The following PBLD variants were observed in gnomAD, a reference collection of about 807,000 sequenced individuals.
The protein encoded by PBLD is phenazine biosynthesis like protein domain containing, also known as phenazine biosynthesis-like domain-containing protein.
Under a neutral mutation model 31.3 loss-of-function variants are expected in PBLD, and 26 were observed. The ratio of observed to expected loss-of-function variants is 0.83; its 90% CI spans 0.61 to 1.15. PBLD has a LOEUF of 1.15. Among genes scored for constraint, PBLD ranks in the 50% most tolerant of loss-of-function variants. The pLI, the probability that PBLD is intolerant of heterozygous loss-of-function variation, is 0.00. For synonymous variants in PBLD, 114 were observed against 129.0 expected (o/e 0.88, Z 0.79); for missense variants, 307 against 351.7 (o/e 0.87, Z 1.02).
At chr10:68,323,076 A>G (rs561964542) in intron 1 of PBLD, among the ~76,000 whole-genome samples, 1 of 152,146 alleles carries the variant, frequency 6.6e-6, no homozygotes, top group African/African-American at 2.4e-5. Context: ...TGAGTGAGCC[A>G]TATATAGGAA....
chr10:68,302,654 G>C (rs551118425), intron 2 of PBLD, among the ~76,000 whole-genome samples: 1 of 152,090 alleles, frequency 6.6e-6, no homozygotes, highest in African/African-American at 2.4e-5. Flanking sequence ...ACCAGCCTGG[G>C]CAACATAGCA....
intron 8 of PBLD, among the ~76,000 whole-genome samples, chr10:68,285,853 G>C (rs1474445181): frequency 6.6e-6 from 1 of 151,638 alleles, no homozygotes; most frequent in Admixed American, 6.6e-5. Flanking sequence ...GCTAATTTTT[G>C]TATTTTTTGT....
intron 1 of PBLD, among the ~76,000 whole-genome samples, chr10:68,310,622 C>A (rs886318018): frequency 6.7e-6 from 1 of 149,774 alleles, no homozygotes; most frequent in African/African-American, 2.5e-5. Context: ...CCACCCCCAC[C>A]TCTGACAACC....
At chr10:68,287,099 A>G (rs2044298218) in intron 8 of PBLD, 1 of 96,748 alleles carries the variant, frequency 1.0e-5, no homozygotes, top group South Asian at 5.0e-4. Flanking sequence ...ATTGCACTCC[A>G]GCCTGGGCAA....
intron 2 of PBLD, among the ~76,000 whole-genome samples, chr10:68,306,261 C>T (rs1004902268): frequency 1.5e-4 from 23 of 152,046 alleles, no homozygotes; most frequent in Admixed American, 1.4e-3. Context: ...TATTTATATA[C>T]TATAGCTTAA....
chr10:68,319,102 AGAAAG>A (rs2044789699), intron 1 of PBLD, among the ~76,000 whole-genome samples: 1 of 135,720 alleles, frequency 7.4e-6, no homozygotes. Flanking sequence ...AAAGAAAGAA[AGAAAG>A]AAAGGAAAAA....
At chr10:68,306,721 C>A in intron 2 of PBLD, 40 bp downstream of exon 2, 1 of 1,534,478 alleles carries the variant, frequency 6.5e-7, no homozygotes, top group Non-Finnish European at 9.0e-7. Context: ...CTACAGGAAT[C>A]TAGAATTTCA....
chr10:68,303,614 G>A (rs868826735), intron 2 of PBLD, among the ~76,000 whole-genome samples: 7 of 82,964 alleles, frequency 8.4e-5, no homozygotes, highest in Admixed American at 7.8e-4. Flanking sequence ...ATTTAAAAAT[G>A]GACTTGTCTT....
chr10:68,294,640 C>CT (rs1230253536), intron 4 of PBLD, among the ~76,000 whole-genome samples: 2 of 152,272 alleles, frequency 1.3e-5, no homozygotes, highest in Non-Finnish European at 2.9e-5. Flanking sequence ...AAATGTCCAG[C>CT]TTTAGAGCTC....
chr10:68,312,574 T>G (rs2044683311), intron 1 of PBLD, among the ~76,000 whole-genome samples: 1 of 151,406 alleles, frequency 6.6e-6, no homozygotes, highest in African/African-American at 2.4e-5. Context: ...TTGTTATTGA[T>G]TTTCTTTCTT....
chr10:68,317,402 T>A (rs2044749652), intron 1 of PBLD, among the ~76,000 whole-genome samples: 1 of 151,996 alleles, frequency 6.6e-6, no homozygotes, highest in Non-Finnish European at 1.5e-5. Flanking sequence ...AAATGGCCAA[T>A]AAGCACATGA....
intron 1 of PBLD, among the ~76,000 whole-genome samples, chr10:68,307,894 G>A (rs1001282592): frequency 6.6e-6 from 1 of 152,116 alleles, no homozygotes; most frequent in Non-Finnish European, 1.5e-5. Flanking sequence ...TTTTTTAAAA[G>A]AACGCATTTT....
In PBLD at chr10:68,283,970, C is replaced by T; in HGVS notation, c.*207G>A. 4.7e-6 allele frequency: 2 copies of T among 428,676 alleles called. No homozygotes were observed. Among genetic ancestry groups the T allele is most frequent in the South Asian group, 5.8e-5 (2 of 34,622 alleles). 26.6% of individuals were successfully genotyped at this position (428,676 alleles called of 1,614,324 possible). A position where few individuals can be genotyped will look rare whatever the true frequency, so the allele number is the denominator to read the frequency against. Reference sequence around the variant, plus strand: ...CCATGTTGGCCAGGCTGGTGTCGAACCCCTGACCTCAGGTGATCCACCCAC... The same window carrying T: ...CCATGTTGGCCAGGCTGGTGTCGAATCCCTGACCTCAGGTGATCCACCCAC... On this transcript the variant is annotated 3_prime_UTR_variant, in exon 10 of 10. Coordinates refer to ENST00000358769, the MANE Select transcript of PBLD (RefSeq NM_022129.4).
chr10:68,314,752 C>G (rs552666325), intron 1 of PBLD, among the ~76,000 whole-genome samples: 52 of 152,138 alleles, frequency 3.4e-4, no homozygotes, highest in South Asian at 1.5e-3. Flanking sequence ...AGCACAACAC[C>G]ACACCAGGCT....
rs201264146 is a variant in PBLD, at chr10:68,306,810, G to A, written c.35C>T (p.Thr12Ile). Residue 12 changes from threonine (T) to isoleucine (I), a missense_variant, in exon 2 of 10, where the codon ACA becomes ATA. By Grantham distance (89) the Thr-to-Ile change is moderately conservative (BLOSUM62 -1). Coordinates refer to ENST00000358769, the MANE Select transcript of PBLD (RefSeq NM_022129.4). The stretch of plus-strand genomic sequence containing the variant: ...AGGATTCCCACGAAATGCTCTTGCT[G>A]TGAATGCATCTGCTATGAAAATAGG... ...KLPIFIADAF[T>I]ARAFRGNPAA... is the part of the protein sequence containing the mutation. 28 of 1,612,108 alleles carry A rather than the reference G, an allele frequency of 1.7e-5. No homozygotes were observed. Among genetic ancestry groups the A allele is most frequent in the Admixed American group, 5.0e-5 (3 of 59,914 alleles).
chr10:68,316,005 G>A (rs2044732105), intron 1 of PBLD, among the ~76,000 whole-genome samples: 1 of 152,112 alleles, frequency 6.6e-6, no homozygotes, highest in African/African-American at 2.4e-5. Flanking sequence ...AATGGTGAAG[G>A]GGAGAATCTG....
chr10:68,288,677 G>C lies in PBLD; in HGVS notation c.513-16C>G. The stretch of plus-strand genomic sequence containing the variant: ...CAGAAACGACCTTGTTCATAAACAA[G>C]ATGGATTAGGACAAACCCATTTCAC... On this transcript the variant is annotated splice_polypyrimidine_tract_variant and intron_variant, in intron 7 of 9. Transcript: ENST00000358769. The C allele has an allele frequency of 6.2e-7, 1 of 1,612,074 alleles. No homozygotes were observed. The highest frequency in any genetic ancestry group is 1.1e-5 in the South Asian group (1 of 90,646).
chr10:68,284,043 G>A lies in PBLD; in HGVS notation c.*134C>T. The A allele has an allele frequency of 1.3e-6, 1 of 768,768 alleles. No individual in the cohort carries two copies. The highest frequency in any genetic ancestry group is 1.8e-5 in the African/African-American group (1 of 56,908). The allele number at this position is 768,768 out of a possible 1,614,324, so 47.6% of individuals were successfully genotyped here. On this transcript the variant is annotated 3_prime_UTR_variant, in exon 10 of 10. Coordinates refer to ENST00000358769, the MANE Select transcript of PBLD (RefSeq NM_022129.4). ...ATTACAGGCATGAGCCACTGCGCCT[G>A]GCCCATTTTTCGATTTTTAACATGA... is the stretch of plus-strand genomic sequence containing the variant.
chr10:68,306,054 C>A (rs541246266), intron 2 of PBLD, among the ~76,000 whole-genome samples: 2 of 152,148 alleles, frequency 1.3e-5, no homozygotes, highest in East Asian at 1.9e-4. Context: ...ACTTAGGGAC[C>A]AACACAAGGT....
Sources: gnomAD v4.1 joint callset for allele counts (sites outside exome capture counted in the v4.1 genomes callset) on GRCh38, gnomAD v4.1.1 for gene constraint, MANE v1.5 for transcripts, NCBI Gene and HGNC (gene_info 2026-07-23, HGNC 2026-07-21) for gene names.